The following FARS2 variants were observed in gnomAD, a reference collection of about 807,000 sequenced individuals.
FARS2 encodes phenylalanyl-tRNA synthetase 2, mitochondrial.
FARS2 carries 40 observed loss-of-function variants against 46.4 expected under a neutral mutation model. That is an observed-to-expected ratio of 0.86 (90% confidence interval 0.67 to 1.12). FARS2 has a LOEUF of 1.12. Ranked by LOEUF, FARS2 falls within the 50% of genes most tolerant of loss-of-function variation. The pLI is 0.00. For synonymous variants in FARS2, 234 were observed against 214.9 expected, an observed-to-expected ratio of 1.09 and a Z score of -0.78; for missense variants, 513 against 567.9, an observed-to-expected ratio of 0.90 and a Z score of 0.98.
intron 1 of FARS2, among the ~76,000 whole-genome samples, chr6:5,300,596 A>C (rs1304284482): frequency 6.6e-6 from 1 of 152,048 alleles, no homozygotes; most frequent in Non-Finnish European, 1.5e-5. Flanking sequence ...TGGGTGGGGC[A>C]GGGGACACTG....
chr6:5,742,701 G>GA (rs551343751), intron 6 of FARS2, among the ~76,000 whole-genome samples: 196 of 151,766 alleles, frequency 1.3e-3, no homozygotes, highest in African/African-American at 4.6e-3. Context: ...TTGAGTGTCT[G>GA]AAAAAAAGAA....
chr6:5,632,904 A>T (rs1019209127), intron 6 of FARS2, among the ~76,000 whole-genome samples: 4 of 149,690 alleles, frequency 2.7e-5, no homozygotes, highest in Admixed American at 2.0e-4. Flanking sequence ...TAAACTTTTC[A>T]TTGCCTCCTA....
chr6:5,498,231 T>G (rs1460818871), intron 4 of FARS2, among the ~76,000 whole-genome samples: 1 of 152,280 alleles, frequency 6.6e-6, no homozygotes, highest in African/African-American at 2.4e-5. Context: ...CATCCTCCTC[T>G]GATGGTAAAA....
At chr6:5,549,488 A>T (rs1479849059) in intron 5 of FARS2, among the ~76,000 whole-genome samples, 1 of 152,058 alleles carries the variant, frequency 6.6e-6, no homozygotes, top group Non-Finnish European at 1.5e-5. Flanking sequence ...GGCCATCCTC[A>T]GTCCTTGGAT....
intron 2 of FARS2, among the ~76,000 whole-genome samples, chr6:5,371,532 G>GA (rs1010805047): frequency 1.3e-5 from 2 of 152,034 alleles, no homozygotes; most frequent in Non-Finnish European, 2.9e-5. Flanking sequence ...ATTAATTGTG[G>GA]AAAAAAATCT....
intron 6 of FARS2, among the ~76,000 whole-genome samples, chr6:5,682,994 A>C (rs1162400044): frequency 6.6e-6 from 1 of 152,236 alleles, no homozygotes; most frequent in African/African-American, 2.4e-5. Context: ...ACCGAGTTTG[A>C]CATGGCTGTG....
At chr6:5,493,274 A>G (rs1489238276) in intron 4 of FARS2, among the ~76,000 whole-genome samples, 1 of 151,790 alleles carries the variant, frequency 6.6e-6, no homozygotes, top group Non-Finnish European at 1.5e-5. Context: ...TTGCTCTCTC[A>G]TTACTTAACT....
intron 4 of FARS2, among the ~76,000 whole-genome samples, chr6:5,506,998 A>G (rs1768140808): frequency 6.6e-6 from 1 of 152,170 alleles, no homozygotes; most frequent in Non-Finnish European, 1.5e-5. Flanking sequence ...GACTTTTTCC[A>G]GTTTTGCACA....
At chr6:5,442,741 T>G (rs6923006) in intron 4 of FARS2, among the ~76,000 whole-genome samples, 9,162 of 152,234 alleles carry the variant, frequency 0.06, 312 homozygotes, top group South Asian at 0.084. Flanking sequence ...ATGTGCTTCT[T>G]TGACTAGGAA....
chr6:5,650,630 G>A (rs542946997), intron 6 of FARS2, among the ~76,000 whole-genome samples: 37 of 152,090 alleles, frequency 2.4e-4, no homozygotes, highest in African/African-American at 8.4e-4. Context: ...ACAGGCACCC[G>A]CCACCACGCC....
In FARS2 at chr6:5,609,820, A is replaced by G. The variant is rs116629551; in HGVS notation, c.1066-3349A>G. On this transcript the variant is annotated intron_variant, in intron 5 of 6. Coordinates refer to ENST00000274680, the MANE Select transcript of FARS2 (RefSeq NM_006567.5). ...CAGTTTTTCCAAACTGTTCAAAATA[A>G]TCTCTTCAAAATAATCTCTTAGGTG... 7,304 of 1,158,056 alleles carry G rather than the reference A, an allele frequency of 6.3e-3. 27 individuals are homozygous for G. The highest frequency in any genetic ancestry group is 8.1e-3 in the Non-Finnish European group (6,350 of 782,290). 71.7% of individuals were successfully genotyped at this position (1,158,056 alleles called of 1,614,324 possible).
the FARS2 span, among the ~76,000 whole-genome samples, chr6:5,255,405 T>C: frequency 2.0e-5 from 3 of 152,152 alleles, no homozygotes; most frequent in African/African-American, 7.2e-5. Flanking sequence ...AAACTATCAA[T>C]CTGCTGATTT....
At chr6:5,432,346 ATATATTATATATATAT>A (rs1562036526) in intron 4 of FARS2, among the ~76,000 whole-genome samples, 5 of 32,232 alleles carry the variant, frequency 1.6e-4, no homozygotes, top group African/African-American at 2.7e-4. Context: ...ATATATATAT[ATATATTATATATATAT>A]AATATATTAT....
intron 2 of FARS2, among the ~76,000 whole-genome samples, chr6:5,397,697 A>G (rs544101891): frequency 6.6e-6 from 1 of 152,362 alleles, no homozygotes; most frequent in South Asian, 2.1e-4. Context: ...GTTTGCTTGA[A>G]TTTAAAAACA....
chr6:5,633,481 G>T (rs1295489615), intron 6 of FARS2, among the ~76,000 whole-genome samples: 5 of 151,762 alleles, frequency 3.3e-5, no homozygotes, highest in Non-Finnish European at 5.9e-5. Context: ...TCACCATGTG[G>T]GCCAGGCTGG....
chr6:5,543,507 G>T (rs746189634), intron 4 of FARS2, among the ~76,000 whole-genome samples: 2 of 151,700 alleles, frequency 1.3e-5, no homozygotes, highest in Non-Finnish European at 2.9e-5. Context: ...TGGGATTACA[G>T]GCACACGCCA....
intron 6 of FARS2, among the ~76,000 whole-genome samples, chr6:5,622,399 A>G (rs1015870355): frequency 6.6e-6 from 1 of 152,208 alleles, no homozygotes; most frequent in Non-Finnish European, 1.5e-5. Context: ...GAAACTCCTT[A>G]GAGGCCTGTG....
intron 4 of FARS2, among the ~76,000 whole-genome samples, chr6:5,534,669 C>A (rs1770074924): frequency 6.6e-6 from 1 of 152,134 alleles, no homozygotes; most frequent in Non-Finnish European, 1.5e-5. Flanking sequence ...TGTTGACAGA[C>A]ACTTGAGTTG....
chr6:5,426,640 A>G (rs1762869751), intron 3 of FARS2, among the ~76,000 whole-genome samples: 2 of 152,184 alleles, frequency 1.3e-5, no homozygotes, highest in African/African-American at 4.8e-5. Flanking sequence ...TAATTTATTT[A>G]TTTGAGACTG....
Sources: allele counts gnomAD v4.1 joint callset (sites outside exome capture counted in the v4.1 genomes callset), GRCh38; gene constraint gnomAD v4.1.1; transcripts MANE v1.5; gene names NCBI Gene and HGNC (gene_info 2026-07-23, HGNC 2026-07-21).